The following TCF4 variants were observed in gnomAD, a reference collection of about 807,000 sequenced individuals.
The protein encoded by TCF4 is SL3-3 enhancer factor 2.
In TCF4, 3 loss-of-function variants were observed where a neutral mutation model predicts 82.1. The ratio of observed to expected loss-of-function variants is 0.04; its 90% CI spans 0.02 to 0.09. TCF4 has a LOEUF of 0.09. Among genes scored for constraint, TCF4 ranks in the 10% least tolerant of loss-of-function variants. The pLI is 1.00. For missense variants in TCF4, 518 were observed against 852.7 expected (o/e 0.61, Z 4.89); for synonymous variants, 276 against 309.6 (o/e 0.89, Z 1.14).
At chr18:55,554,878 C>A (rs938688790) in intron 3 of TCF4, among the ~76,000 whole-genome samples, 1 of 152,148 alleles carries the variant, frequency 6.6e-6, no homozygotes, top group African/African-American at 2.4e-5. Flanking sequence ...TAATATAAAA[C>A]ATTAATAGAA....
intron 3 of TCF4, among the ~76,000 whole-genome samples, chr18:55,572,982 G>A (rs1447054398): frequency 2.6e-5 from 4 of 151,984 alleles, no homozygotes; most frequent in African/African-American, 4.8e-5. Flanking sequence ...GAACTCGGGA[G>A]GCAGAGGTTG....
At chr18:55,536,448 C>A (rs1026688203) in intron 3 of TCF4, among the ~76,000 whole-genome samples, 1 of 152,194 alleles carries the variant, frequency 6.6e-6, no homozygotes, top group Non-Finnish European at 1.5e-5. Context: ...CACAATTATA[C>A]TTAATACAAA....
chr18:55,608,347 C>T (rs1032430001), intron 2 of TCF4, among the ~76,000 whole-genome samples: 3 of 149,998 alleles, frequency 2.0e-5, no homozygotes, highest in East Asian at 1.9e-4. Context: ...AAAATTAGAC[C>T]GATCTAGCAT....
At chr18:55,539,297 G>A (rs1367583209) in intron 3 of TCF4, among the ~76,000 whole-genome samples, 1 of 152,104 alleles carries the variant, frequency 6.6e-6, no homozygotes, top group South Asian at 2.1e-4. Flanking sequence ...ACTGATTCAG[G>A]GAAATGGCCA....
chr18:55,226,123 TAC>T lies in TCF4; in HGVS notation c.*1910_*1911del, dbSNP rs1568277559. 14 of 152,600 alleles carry T rather than the reference TAC, an allele frequency of 9.2e-5. No individual in the cohort carries two copies. Among genetic ancestry groups the T allele is most frequent in the Non-Finnish European group, 1.6e-4 (11 of 68,012 alleles). 9.5% of individuals were successfully genotyped at this position (152,600 alleles called of 1,614,324 possible). Reference sequence around the variant, plus strand: ...TACATACACAATTTCAAAATAATGATACGTTTGCCATTTGTTGCATAAAATTT... The same window carrying T: ...TACATACACAATTTCAAAATAATGATGTTTGCCATTTGTTGCATAAAATTT... On this transcript the variant is annotated 3_prime_UTR_variant, in exon 20 of 20. Coordinates refer to ENST00000354452, the MANE Select transcript of TCF4 (RefSeq NM_001083962.2).
intron 2 of TCF4, among the ~76,000 whole-genome samples, chr18:55,603,820 G>A (rs146424742): frequency 1.0e-3 from 156 of 152,258 alleles, no homozygotes; most frequent in South Asian, 2.3e-3. Flanking sequence ...CATTTGTTAG[G>A]AGGCCAGGAG....
chr18:55,240,029 T>G (rs930808252), intron 15 of TCF4, among the ~76,000 whole-genome samples: 8 of 152,236 alleles, frequency 5.3e-5, no homozygotes, highest in African/African-American at 1.9e-4. Flanking sequence ...CAGTCACTTC[T>G]ATTCTACCAT....
chr18:55,533,234 G>A (rs923885990), intron 3 of TCF4, among the ~76,000 whole-genome samples: 1 of 152,158 alleles, frequency 6.6e-6, no homozygotes, highest in Admixed American at 6.6e-5. Flanking sequence ...TATGGCTGCA[G>A]GGCATGCAAC....
Position 55,227,856 on chromosome 18 carries a change from T to C in TCF4, c.*179A>G, listed in dbSNP as rs2046801797. Reference sequence around the variant, plus strand: ...TTTTTCTTTCTTTTTTTTGTTTTTCTGTTTTTTGATAATTGGGAATGCTGA... The same window carrying C: ...TTTTTCTTTCTTTTTTTTGTTTTTCCGTTTTTTGATAATTGGGAATGCTGA... On this transcript the variant is annotated 3_prime_UTR_variant, in exon 20 of 20. Coordinates refer to ENST00000354452, the MANE Select transcript of TCF4 (RefSeq NM_001083962.2). 4.2e-6 allele frequency: 1 copy of C among 235,722 alleles called. No homozygotes were observed. The highest frequency in any genetic ancestry group is 2.3e-5 in the African/African-American group (1 of 42,574). The allele number at this position is 235,722 out of a possible 1,614,324, so 14.6% of individuals were successfully genotyped here.
intron 6 of TCF4, among the ~76,000 whole-genome samples, chr18:55,360,771 A>C (rs1244098400): frequency 8.5e-6 from 1 of 118,078 alleles, no homozygotes; most frequent in Non-Finnish European, 1.6e-5. Context: ...CTCTGCCACC[A>C]GGCTGGAGTG....
At chr18:55,320,271 A>G (rs1362346969) in intron 8 of TCF4, among the ~76,000 whole-genome samples, 1 of 152,128 alleles carries the variant, frequency 6.6e-6, no homozygotes, top group Non-Finnish European at 1.5e-5. Context: ...AACGAAAACC[A>G]TTTGTTTTAA....
At chr18:55,324,935 T>C (rs1457203723) in intron 8 of TCF4, among the ~76,000 whole-genome samples, 4 of 152,188 alleles carry the variant, frequency 2.6e-5, no homozygotes, top group African/African-American at 9.7e-5. Context: ...ATCTAAAGTT[T>C]ACAGTTCTTT....
In TCF4 at chr18:55,225,867, T is replaced by G. The variant is rs1319191735; in HGVS notation, c.*2168A>C. 6.6e-6 allele frequency: 1 copy of G among 152,594 alleles called. No homozygotes were observed. Among genetic ancestry groups the G allele is most frequent in the Non-Finnish European group, 1.5e-5 (1 of 68,000 alleles). 9.5% of individuals were successfully genotyped at this position (152,594 alleles called of 1,614,324 possible). On this transcript the variant is annotated 3_prime_UTR_variant, in exon 20 of 20. Coordinates refer to ENST00000354452, the MANE Select transcript of TCF4 (RefSeq NM_001083962.2). ...CGCTACTGAACATATTTACAGTTTT[T>G]CAACACACACACAGCTAATCAAAAT...
chr18:55,497,376 G>A (rs1717705237), intron 3 of TCF4, among the ~76,000 whole-genome samples: 1 of 152,152 alleles, frequency 6.6e-6, no homozygotes, highest in Admixed American at 6.5e-5. Context: ...TATATGAACA[G>A]ATAAATAATA....
At chr18:55,397,766 A>C (rs546623616) in intron 6 of TCF4, among the ~76,000 whole-genome samples, 25 of 152,184 alleles carry the variant, frequency 1.6e-4, no homozygotes, top group Admixed American at 1.2e-3. Flanking sequence ...CAAATGTCTT[A>C]TTTTTAAGAG....
intron 8 of TCF4, among the ~76,000 whole-genome samples, chr18:55,309,363 C>T (rs1312733473): frequency 6.6e-6 from 1 of 151,902 alleles, no homozygotes; most frequent in South Asian, 2.1e-4. Flanking sequence ...CTTAGGCAAT[C>T]CTCCCGCTTC....
chr18:55,570,190 C>T (rs546181061), intron 3 of TCF4, among the ~76,000 whole-genome samples: 1 of 152,128 alleles, frequency 6.6e-6, no homozygotes, highest in Non-Finnish European at 1.5e-5. Flanking sequence ...TGGATTTCCA[C>T]ACAAAATCAA....
rs115906079 is a variant in TCF4, at chr18:55,228,092, T to C, written c.*5-62A>G. The C allele has an allele frequency of 2.8e-3, 3,491 of 1,254,124 alleles. 78 individuals are homozygous for C. In the African/African-American group the frequency reaches 0.047, roughly 17 times the overall value. The allele number at this position is 1,254,124 out of a possible 1,614,324, so 77.7% of individuals were successfully genotyped here. On this transcript the variant is annotated intron_variant, in intron 19 of 19. Transcript: ENST00000354452. ...ATATTTGTAACAGAAAAAGTATGCT[T>C]TTTTTAAAAAAAATTCTTTTTCCAT...
intron 2 of TCF4, among the ~76,000 whole-genome samples, chr18:55,616,330 A>G (rs1351785779): frequency 3.9e-5 from 6 of 152,066 alleles, no homozygotes; most frequent in Admixed American, 3.9e-4. Flanking sequence ...GTAATATTCC[A>G]TGGTGTATAT....
Sources: allele counts gnomAD v4.1 joint callset (sites outside exome capture counted in the v4.1 genomes callset), GRCh38; gene constraint gnomAD v4.1.1; transcripts MANE v1.5; gene names NCBI Gene and HGNC (gene_info 2026-07-23, HGNC 2026-07-21).